Variants in TEK observed in about 807,000 individuals in gnomAD.
TEK encodes angiopoietin-1 receptor.
A neutral mutation model predicts 131.8 loss-of-function variants in TEK; 43 were observed. That is an observed-to-expected ratio of 0.33 (90% confidence interval 0.26 to 0.42). The LOEUF is 0.42. Ranked by LOEUF, TEK falls within the 10% of genes least tolerant of loss-of-function variation. The pLI is 1.00. For synonymous variants in TEK, 580 were observed against 491.6 expected, an observed-to-expected ratio of 1.18 and a Z score of -2.38; for missense variants, 1,162 against 1,384.4, an observed-to-expected ratio of 0.84 and a Z score of 2.55.
chr9:27,130,735 C>A (rs1433248320), intron 1 of TEK, among the ~76,000 whole-genome samples: 1 of 151,246 alleles, frequency 6.6e-6, no homozygotes, highest in Non-Finnish European at 1.5e-5. Flanking sequence ...CACCACCACG[C>A]CTGGCTAATT....
At chr9:27,180,398 C>T (rs1474186295) in intron 7 of TEK, 30 bp downstream of exon 7, 2 of 1,602,644 alleles carry the variant, frequency 1.2e-6, no homozygotes, top group Middle Eastern at 1.7e-4. Flanking sequence ...TAGTCAGGGC[C>T]ATGTTCAGCA....
intron 1 of TEK, among the ~76,000 whole-genome samples, chr9:27,148,552 C>T (rs1333263853): frequency 6.6e-6 from 1 of 152,208 alleles, no homozygotes; most frequent in East Asian, 1.9e-4. Flanking sequence ...AGAGTGCAAG[C>T]CCAGTGGGAG....
At chr9:27,125,011 CCT>C (rs1011222063) in intron 1 of TEK, among the ~76,000 whole-genome samples, 2 of 151,982 alleles carry the variant, frequency 1.3e-5, no homozygotes, top group African/African-American at 4.8e-5. Context: ...TCCCCTTTTT[CCT>C]CTCTCATAAC....
intron 18 of TEK, among the ~76,000 whole-genome samples, chr9:27,214,262 A>T (rs377401828): frequency 2.0e-5 from 3 of 152,232 alleles, no homozygotes; most frequent in East Asian, 1.9e-4. Flanking sequence ...TGCATGTTAC[A>T]GCTGTGTGGA....
chr9:27,197,749 TAA>T (rs1825081553), intron 12 of TEK, 150 bp downstream of exon 12: 20 of 1,004,062 alleles, frequency 2.0e-5, no homozygotes, highest in Non-Finnish European at 3.1e-5. Context: ...CTAATCATTT[TAA>T]TAACTTGCAA....
rs1167369070 is a variant in TEK at position 27,218,447 on chromosome 9, G to GTCACATAAGTATT, written c.3063-329_3063-317dup. On this transcript the variant is annotated intron_variant, in intron 19 of 22. Coordinates refer to ENST00000380036, the MANE Select transcript of TEK (RefSeq NM_000459.5). Reference sequence around the variant, plus strand: ...CAAGAGGTTCAGCAACTGTTTCCAGGTCACATAAGTATTGGGTGGCAGAGA... The same window carrying GTCACATAAGTATT: ...CAAGAGGTTCAGCAACTGTTTCCAGGTCACATAAGTATTTCACATAAGTATTGGGTGGCAGAGA... Among the ~76,000 whole-genome samples the GTCACATAAGTATT allele has an allele frequency of 2.0e-5, 3 of 152,110 alleles. No individual in the cohort carries two copies. The East Asian group carries it at 5.8e-4, about 29-fold the overall frequency.
chr9:27,147,275 C>A (rs1239848169), intron 1 of TEK, among the ~76,000 whole-genome samples: 2 of 151,252 alleles, frequency 1.3e-5, no homozygotes, highest in African/African-American at 4.9e-5. Context: ...GTTTTTTGAT[C>A]TGTTCTAATA....
At chr9:27,137,041 G>A (rs945482868) in intron 1 of TEK, among the ~76,000 whole-genome samples, 9 of 152,012 alleles carry the variant, frequency 5.9e-5, no homozygotes, top group South Asian at 2.1e-4. Flanking sequence ...TCAGCCTCCC[G>A]AGTAGCTGGG....
At chr9:27,132,088 T>C (rs1378530469) in intron 1 of TEK, among the ~76,000 whole-genome samples, 1 of 150,066 alleles carries the variant, frequency 6.7e-6, no homozygotes, top group Non-Finnish European at 1.5e-5. Flanking sequence ...TTTTATTCTT[T>C]TTTTTTTTTT....
intron 12 of TEK, among the ~76,000 whole-genome samples, chr9:27,202,054 G>A (rs535625967): frequency 1.3e-5 from 2 of 152,298 alleles, no homozygotes; most frequent in South Asian, 4.1e-4. Context: ...ATTGGATCAC[G>A]AACTTCCCTT....
At chr9:27,190,720 G>C (rs1019743487) in intron 10 of TEK, 30 bp downstream of exon 10, 6 of 1,613,102 alleles carry the variant, frequency 3.7e-6, no homozygotes, top group Non-Finnish European at 5.1e-6. Flanking sequence ...GATGCCAGCT[G>C]GGGATGTGGC....
At chr9:27,120,308 T>C (rs974574457) in intron 1 of TEK, among the ~76,000 whole-genome samples, 1 of 152,284 alleles carries the variant, frequency 6.6e-6, no homozygotes, top group African/African-American at 2.4e-5. Flanking sequence ...TTTCTCTTTC[T>C]AGCATGCCCT....
At chr9:27,147,591 T>A (rs1281015875) in intron 1 of TEK, among the ~76,000 whole-genome samples, 1 of 152,176 alleles carries the variant, frequency 6.6e-6, no homozygotes, top group Non-Finnish European at 1.5e-5. Context: ...TAATAAAATT[T>A]AGCGTAACAA....
intron 12 of TEK, among the ~76,000 whole-genome samples, chr9:27,199,036 G>A (rs1437380132): frequency 2.0e-5 from 3 of 152,158 alleles, no homozygotes; most frequent in Non-Finnish European, 2.9e-5. Context: ...CTGGGCTCAA[G>A]CAATCCTCCC....
intron 2 of TEK, among the ~76,000 whole-genome samples, chr9:27,162,473 G>A (rs569705076): frequency 7.9e-5 from 12 of 152,254 alleles, no homozygotes; most frequent in South Asian, 4.1e-4. Context: ...AGTTTGAAAC[G>A]TTTTCAGATC....
In TEK at chr9:27,229,466, T is replaced by G; in HGVS notation, c.*234T>G. 1 of 558,248 alleles carries G rather than the reference T, an allele frequency of 1.8e-6. No homozygotes were observed. The highest frequency in any genetic ancestry group is 3.0e-5 in the Admixed American group (1 of 33,146). 34.6% of individuals were successfully genotyped at this position (558,248 alleles called of 1,614,324 possible). On this transcript the variant is annotated 3_prime_UTR_variant, in exon 23 of 23. Coordinates refer to ENST00000380036, the MANE Select transcript of TEK (RefSeq NM_000459.5). ...GGGCTGAAATCAGAATGCCTGTTTG[T>G]GGTTTCATATGCAATAATATATTTT...
intron 21 of TEK, among the ~76,000 whole-genome samples, chr9:27,222,983 G>C (rs1285938529): frequency 6.6e-6 from 1 of 152,138 alleles, no homozygotes; most frequent in African/African-American, 2.4e-5. Context: ...CCTAGTCTCT[G>C]ATAAAACAGA....
chr9:27,136,085 A>ATTTTTTAT (rs1554689025), intron 1 of TEK, among the ~76,000 whole-genome samples: 1 of 137,022 alleles, frequency 7.3e-6, no homozygotes, highest in African/African-American at 2.7e-5. Flanking sequence ...CAGGGCAGTT[A>ATTTTTTAT]TTTTTTTTTT....
chr9:27,169,184 G>A (rs555938798), intron 3 of TEK, among the ~76,000 whole-genome samples: 56 of 152,208 alleles, frequency 3.7e-4, no homozygotes, highest in Non-Finnish European at 5.9e-4. Flanking sequence ...ACCTAACTTT[G>A]CCTGCCAACT....
Sources: gnomAD v4.1 joint callset for allele counts (sites outside exome capture counted in the v4.1 genomes callset) on GRCh38, gnomAD v4.1.1 for gene constraint, MANE v1.5 for transcripts, NCBI Gene and HGNC (gene_info 2026-07-23, HGNC 2026-07-21) for gene names.